PLCE1: variants seen among roughly 807,000 people sequenced by gnomAD.
PLCE1 encodes the protein phospholipase C epsilon 1.
PLCE1 carries 119 observed loss-of-function variants against 242.8 expected under a neutral mutation model. That is an observed-to-expected ratio of 0.49 (90% confidence interval 0.42 to 0.57). The LOEUF (loss-of-function observed/expected upper bound fraction) is 0.57. PLCE1 is among the 20% of genes least tolerant of loss of function. PLCE1 has a pLI of 0.00. For synonymous variants in PLCE1, 945 were observed against 1,017.4 expected, an observed-to-expected ratio of 0.93 and a Z score of 1.35; for missense variants, 2,441 against 2,788.8, an observed-to-expected ratio of 0.88 and a Z score of 2.81.
chr10:94,071,849 C>G (rs1429459070), intron 2 of PLCE1, among the ~76,000 whole-genome samples: 2 of 152,022 alleles, frequency 1.3e-5, no homozygotes, highest in African/African-American at 4.8e-5. Context: ...TTTGTTATCA[C>G]TCTTATTTGG....
intron 24 of PLCE1, among the ~76,000 whole-genome samples, chr10:94,302,485 G>C (rs1239003207): frequency 6.6e-6 from 1 of 151,502 alleles, no homozygotes; most frequent in African/African-American, 2.4e-5. Context: ...GGGTAGACAC[G>C]GTGCTACTGA....
intron 32 of PLCE1, among the ~76,000 whole-genome samples, chr10:94,327,170 G>A (rs912680770): frequency 6.6e-6 from 1 of 152,158 alleles, no homozygotes; most frequent in African/African-American, 2.4e-5. Context: ...CAAAACAAAA[G>A]CTAGGGAGGC....
At chr10:94,092,871 G>A (rs1355420104) in intron 2 of PLCE1, among the ~76,000 whole-genome samples, 2 of 152,186 alleles carry the variant, frequency 1.3e-5, no homozygotes, top group East Asian at 3.8e-4. Context: ...CAGAACCTTT[G>A]CAGATGCTCA....
chr10:94,140,759 A>G (rs762731811), intron 3 of PLCE1, among the ~76,000 whole-genome samples: 1 of 152,248 alleles, frequency 6.6e-6, no homozygotes, highest in Non-Finnish European at 1.5e-5. Context: ...CATGCCTACT[A>G]GGCAAGGAAG....
chr10:94,267,770 A>AC (rs777450498), intron 16 of PLCE1, among the ~76,000 whole-genome samples: 123 of 152,296 alleles, frequency 8.1e-4, no homozygotes, highest in African/African-American at 1.5e-3. Flanking sequence ...AGCCCAAGGC[A>AC]CTGCACCTCT....
chr10:94,263,565 G>A (rs1309435058), intron 14 of PLCE1, among the ~76,000 whole-genome samples: 2 of 150,856 alleles, frequency 1.3e-5, no homozygotes, highest in South Asian at 2.1e-4. Flanking sequence ...GGTGGTCCAC[G>A]CTTATAATCC....
chr10:94,089,119 G>A (rs1226894753), intron 2 of PLCE1: 4 of 1,613,944 alleles, frequency 2.5e-6, no homozygotes, highest in Non-Finnish European at 3.4e-6. Context: ...AAGTGCAGCA[G>A]GAAGAGACTT....
chr10:93,997,037 G>A (rs929974551), intron 1 of PLCE1, among the ~76,000 whole-genome samples: 1 of 152,150 alleles, frequency 6.6e-6, no homozygotes, highest in African/African-American at 2.4e-5. Flanking sequence ...AGAAGTTGTT[G>A]TTGGTAACAC....
chr10:94,128,433 A>G (rs1205288767), intron 2 of PLCE1, among the ~76,000 whole-genome samples: 3 of 152,046 alleles, frequency 2.0e-5, no homozygotes, highest in Non-Finnish European at 4.4e-5. Context: ...CTTGGTAGTA[A>G]TTTTTGATCT....
intron 2 of PLCE1, chr10:94,109,287 T>C: frequency 6.6e-6 from 1 of 152,212 alleles, no homozygotes; most frequent in East Asian, 1.9e-4. Context: ...TTTCAAAATG[T>C]TCTGGACTTA....
intron 2 of PLCE1, among the ~76,000 whole-genome samples, chr10:94,063,557 C>A (rs762493664): frequency 1.3e-5 from 2 of 152,196 alleles, no homozygotes; most frequent in South Asian, 2.1e-4. Context: ...TTTGCCTATC[C>A]TAAGCACATT....
At chr10:94,169,318 G>A (rs575023452) in intron 3 of PLCE1, among the ~76,000 whole-genome samples, 1 of 152,182 alleles carries the variant, frequency 6.6e-6, no homozygotes, top group Non-Finnish European at 1.5e-5. Flanking sequence ...AAAGGATAAG[G>A]GATGTCGTTT....
chr10:94,085,902 A>T (rs2044806348), intron 2 of PLCE1, among the ~76,000 whole-genome samples: 1 of 152,230 alleles, frequency 6.6e-6, no homozygotes, highest in African/African-American at 2.4e-5. Flanking sequence ...CAATATGCAG[A>T]TGTCTAGATG....
chr10:94,239,320 C>T (rs1466324085), intron 7 of PLCE1, among the ~76,000 whole-genome samples: 4 of 152,162 alleles, frequency 2.6e-5, no homozygotes, highest in African/African-American at 9.7e-5. Context: ...TGTGTTCTCA[C>T]GATAGTGAGT....
Position 94,031,844 on chromosome 10 carries a change from T to C in PLCE1, c.798T>C (p.Phe266=), listed in dbSNP as rs1170351256. ...CDTLNDKYFC[F]EGSCEKVDMV... ...CCTTGAATGATAAATACTTTTGCTTTGAAGGCTCTTGTGAGAAGGTTGACA... is the reference window on the plus strand; with the variant it reads ...CCTTGAATGATAAATACTTTTGCTTCGAAGGCTCTTGTGAGAAGGTTGACA... The change falls in exon 2 of 33, where the codon TTT becomes TTC. Residue 266 remains phenylalanine (F), a synonymous_variant. Coordinates refer to ENST00000371380, the MANE Select transcript of PLCE1 (RefSeq NM_016341.4). The C allele has an allele frequency of 6.2e-7, 1 of 1,613,784 alleles. No homozygotes were observed. The highest frequency in any genetic ancestry group is 2.2e-5 in the East Asian group (1 of 44,872).
At chr10:94,183,966 A>T (rs2048389305) in intron 4 of PLCE1, among the ~76,000 whole-genome samples, 1 of 152,210 alleles carries the variant, frequency 6.6e-6, no homozygotes, top group African/African-American at 2.4e-5. Flanking sequence ...AGGCCCCAAC[A>T]TTGGGGATCA....
At chr10:94,193,583 A>G (rs1016269198) in intron 4 of PLCE1, among the ~76,000 whole-genome samples, 2 of 152,212 alleles carry the variant, frequency 1.3e-5, no homozygotes, top group Non-Finnish European at 2.9e-5. Flanking sequence ...TGTTTATACA[A>G]TGTGCAGAAA....
intron 17 of PLCE1, 50 bp downstream of exon 17, chr10:94,269,086 T>C (rs1251978124): frequency 3.9e-6 from 3 of 762,328 alleles, no homozygotes; most frequent in Non-Finnish European, 6.6e-6. Context: ...GACATTATCT[T>C]CATTTGTCTT....
chr10:94,244,618 G>C (rs1417981395), intron 7 of PLCE1, among the ~76,000 whole-genome samples: 1 of 152,144 alleles, frequency 6.6e-6, no homozygotes, highest in East Asian at 1.9e-4. Flanking sequence ...AGAGAGAGTA[G>C]AAATCTAAGG....
Sources: allele counts gnomAD v4.1 joint callset (sites outside exome capture counted in the v4.1 genomes callset), GRCh38; gene constraint gnomAD v4.1.1; transcripts MANE v1.5; gene names NCBI Gene and HGNC (gene_info 2026-07-23, HGNC 2026-07-21).